The following AGBL4 variants were observed in gnomAD, a reference collection of about 807,000 sequenced individuals.
The protein encoded by AGBL4 is cytosolic carboxypeptidase 6.
A neutral mutation model predicts 66.4 loss-of-function variants in AGBL4; 58 were observed. The observed-to-expected ratio is 0.87, with a 90% CI of 0.71 to 1.09. The LOEUF (loss-of-function observed/expected upper bound fraction) is 1.09. AGBL4 is among the 50% of genes least tolerant of loss of function. AGBL4 has a pLI of 0.00. For missense variants in AGBL4, 579 were observed against 631.0 expected (o/e 0.92, Z 0.88); for synonymous variants, 234 against 222.9 (o/e 1.05, Z -0.44).
chr1:49,442,174 C>T (rs991769307), intron 3 of AGBL4, among the ~76,000 whole-genome samples: 2 of 151,960 alleles, frequency 1.3e-5, no homozygotes, highest in Non-Finnish European at 2.9e-5. Flanking sequence ...TAAGCTGGGC[C>T]TGAGAGAGAG....
intron 4 of AGBL4, among the ~76,000 whole-genome samples, chr1:49,221,715 T>C (rs1649511315): frequency 6.6e-6 from 1 of 152,158 alleles, no homozygotes; most frequent in African/African-American, 2.4e-5. Flanking sequence ...AAAGAGAATT[T>C]TGTCTTACAG....
At chr1:49,888,518 G>T (rs1266270458) in intron 1 of AGBL4, among the ~76,000 whole-genome samples, 1 of 152,084 alleles carries the variant, frequency 6.6e-6, no homozygotes, top group Non-Finnish European at 1.5e-5. Context: ...AACCACTACA[G>T]AGTAGCTATT....
intron 4 of AGBL4, among the ~76,000 whole-genome samples, chr1:49,065,275 A>T (rs1358030993): frequency 6.6e-6 from 1 of 152,202 alleles, no homozygotes; most frequent in Non-Finnish European, 1.5e-5. Flanking sequence ...AATAATGTGG[A>T]TGATCACAGG....
At chr1:49,795,757 ATT>A (rs1644715008) in intron 2 of AGBL4, among the ~76,000 whole-genome samples, 1 of 152,036 alleles carries the variant, frequency 6.6e-6, no homozygotes, top group African/African-American at 2.4e-5. Flanking sequence ...ATTCAGAAAA[ATT>A]TAAGTTAGTA....
At chr1:49,864,263 A>G (rs1335252673) in intron 1 of AGBL4, among the ~76,000 whole-genome samples, 1 of 152,210 alleles carries the variant, frequency 6.6e-6, no homozygotes, top group Non-Finnish European at 1.5e-5. Context: ...CAAGCCTGGA[A>G]AGGATAGTCA....
In AGBL4 at chr1:49,223,626, G is replaced by A. The variant is rs374848974; in HGVS notation, c.377+22144C>T. On this transcript the variant is annotated intron_variant, in intron 4 of 13. Transcript: ENST00000371839. ...ATTAATTTCAAACTGACAGCAGACT[G>A]TTAAGTTGGGTATGCGACCCTTCTA... 3.7e-4 allele frequency among the ~76,000 whole-genome samples: 56 copies of A among 152,316 alleles called. 1 individual carries two copies. The South Asian group carries it at 9.5e-3, about 26-fold the overall frequency.
intron 2 of AGBL4, among the ~76,000 whole-genome samples, chr1:49,808,139 A>G (rs1268899577): frequency 6.6e-6 from 1 of 152,242 alleles, no homozygotes; most frequent in Non-Finnish European, 1.5e-5. Flanking sequence ...CAGTTCCTCC[A>G]GTAAAAGATG....
At chr1:48,734,239 C>T (rs966273752) in intron 6 of AGBL4, among the ~76,000 whole-genome samples, 1 of 152,152 alleles carries the variant, frequency 6.6e-6, no homozygotes, top group South Asian at 2.1e-4. Flanking sequence ...CAGAACAAGC[C>T]CCAGACCAGA....
chr1:50,018,646 T>C (rs1295695805), intron 1 of AGBL4, among the ~76,000 whole-genome samples: 1 of 152,080 alleles, frequency 6.6e-6, no homozygotes, highest in Non-Finnish European at 1.5e-5. Context: ...TATATATAGA[T>C]CTTTAGTAGC....
chr1:48,812,039 T>C (rs1646063764), intron 6 of AGBL4, among the ~76,000 whole-genome samples: 2 of 152,122 alleles, frequency 1.3e-5, no homozygotes, highest in Non-Finnish European at 1.5e-5. Flanking sequence ...CAGGGCAGCA[T>C]AGTCAGGAAA....
chr1:49,645,415 A>C (rs902261044), intron 3 of AGBL4, among the ~76,000 whole-genome samples: 13 of 151,054 alleles, frequency 8.6e-5, no homozygotes, highest in Non-Finnish European at 1.6e-4. Flanking sequence ...TTATTATGAC[A>C]ATTTCATGCC....
In AGBL4 at chr1:49,863,912, C is replaced by A. The variant is rs565601249; in HGVS notation, c.35-12394G>T. Among the ~76,000 whole-genome samples the A allele has an allele frequency of 1.2e-3, 181 of 152,328 alleles. 1 individual carries two copies. The Middle Eastern group carries it at 0.014, about 11-fold the overall frequency. On this transcript the variant is annotated intron_variant, in intron 1 of 13. Coordinates refer to ENST00000371839, the MANE Select transcript of AGBL4 (RefSeq NM_032785.4). ...AAAATAGAGCTACCATATGATCCAG[C>A]AATCCCACTGCTGGGTATATAACCC... is the stretch of plus-strand genomic sequence containing the variant.
chr1:49,326,679 A>G (rs1645234899), intron 3 of AGBL4, among the ~76,000 whole-genome samples: 1 of 152,200 alleles, frequency 6.6e-6, no homozygotes, highest in African/African-American at 2.4e-5. Flanking sequence ...ATGAAGAAGG[A>G]AATCATCAAC....
At chr1:49,432,229 GA>G (rs1353089846) in intron 3 of AGBL4, among the ~76,000 whole-genome samples, 4 of 152,176 alleles carry the variant, frequency 2.6e-5, no homozygotes, top group African/African-American at 4.8e-5. Flanking sequence ...TAGATTAAAA[GA>G]AGTTAATTAC....
At chr1:49,319,219 T>A (rs1645090576) in intron 3 of AGBL4, among the ~76,000 whole-genome samples, 1 of 152,154 alleles carries the variant, frequency 6.6e-6, no homozygotes, top group Non-Finnish European at 1.5e-5. Flanking sequence ...CTTGTTCAAA[T>A]CTGTATAGCC....
intron 3 of AGBL4, among the ~76,000 whole-genome samples, chr1:49,406,328 T>C (rs949685257): frequency 3.9e-5 from 6 of 152,302 alleles, no homozygotes; most frequent in Middle Eastern, 3.4e-3. Context: ...AATTATCCCA[T>C]TTAAAACCAA....
intron 4 of AGBL4, among the ~76,000 whole-genome samples, chr1:49,214,496 C>A (rs561313650): frequency 1.3e-5 from 2 of 152,190 alleles, no homozygotes; most frequent in African/African-American, 4.8e-5. Context: ...CTGACTGTGG[C>A]AGGTTTATCA....
At chr1:49,297,013 T>C (rs1254269381) in intron 3 of AGBL4, among the ~76,000 whole-genome samples, 1 of 152,220 alleles carries the variant, frequency 6.6e-6, no homozygotes, top group Non-Finnish European at 1.5e-5. Flanking sequence ...TTTTTAATGG[T>C]TCCTTCTCTG....
intron 1 of AGBL4, among the ~76,000 whole-genome samples, chr1:49,906,839 G>A (rs1010577528): frequency 6.6e-6 from 1 of 152,082 alleles, no homozygotes; most frequent in East Asian, 1.9e-4. Flanking sequence ...ACAGGCAATA[G>A]CAAAAAGAGC....
Sources: gnomAD v4.1 joint callset for allele counts (sites outside exome capture counted in the v4.1 genomes callset) on GRCh38, gnomAD v4.1.1 for gene constraint, MANE v1.5 for transcripts, NCBI Gene and HGNC (gene_info 2026-07-23, HGNC 2026-07-21) for gene names.